The following PPARA variants were observed in gnomAD, a reference collection of about 807,000 sequenced individuals.
PPARA encodes the protein peroxisome proliferator-activated receptor alpha.
Under a neutral mutation model 42.2 loss-of-function variants are expected in PPARA, and 22 were observed. The observed-to-expected ratio is 0.52, with a 90% CI of 0.37 to 0.74. The LOEUF is 0.74. PPARA is among the 30% of genes least tolerant of loss of function. The pLI is 0.00. For missense variants in PPARA, 465 were observed against 608.2 expected (o/e 0.76, Z 2.48); for synonymous variants, 242 against 239.3 (o/e 1.01, Z -0.10).
chr22:46,178,039 A>G (rs1457013397), intron 3 of PPARA, among the ~76,000 whole-genome samples: 1 of 151,964 alleles, frequency 6.6e-6, no homozygotes, highest in Non-Finnish European at 1.5e-5. Context: ...AAGGAGGTCT[A>G]TCAGTCTAGA....
chr22:46,235,657 T>C lies in PPARA; in HGVS notation c.*277T>C, dbSNP rs1431057332. The C allele has an allele frequency of 8.5e-6, 4 of 468,612 alleles. No homozygotes were observed. The highest frequency in any genetic ancestry group is 5.9e-5 in the African/African-American group (3 of 50,946). The allele number at this position is 468,612 out of a possible 1,614,324, so 29.0% of individuals were successfully genotyped here. ...AATGGTCTGATTTTAACTCACCCGATGTTAATCAATGCACATTGCTTTAGA... is the reference window on the plus strand; with the variant it reads ...AATGGTCTGATTTTAACTCACCCGACGTTAATCAATGCACATTGCTTTAGA... On this transcript the variant is annotated 3_prime_UTR_variant, in exon 9 of 9. Coordinates refer to ENST00000407236, the MANE Select transcript of PPARA (RefSeq NM_005036.6). This position sits in a 1 kb window ranked among gnomAD's most constrained non-coding sequence, Gnocchi z 7.0.
rs568009104 is a variant in PPARA, at chr22:46,198,211, C to A, written c.-42-131C>A. 1.3e-5 allele frequency: 3 copies of A among 239,026 alleles called. No individual in the cohort carries two copies. The East Asian group carries it at 2.4e-4, about 19-fold the overall frequency. 14.8% of individuals were successfully genotyped at this position (239,026 alleles called of 1,614,324 possible). On this transcript the variant is annotated intron_variant, in intron 3 of 8. Coordinates refer to ENST00000407236, the MANE Select transcript of PPARA (RefSeq NM_005036.6). The stretch of plus-strand genomic sequence containing the variant: ...CGAGATTGTGCCCCTGCACTCCAGC[C>A]TGGGCAACAGACTGAGACTCTGTCT...
In PPARA at chr22:46,240,873, G is replaced by A. The variant is rs1381247771; in HGVS notation, c.*5493G>A. On this transcript the variant is annotated 3_prime_UTR_variant, in exon 9 of 9. Transcript: ENST00000407236. This position sits in a 1 kb window ranked among gnomAD's most constrained non-coding sequence, Gnocchi z 6.0. ...CTGTGTGCACCTCCCTAATGGCAGC[G>A]ATGATGGCTGCTGTCATTCAAGCCC... is the stretch of plus-strand genomic sequence containing the variant. The A allele has an allele frequency of 3.3e-5, 5 of 152,230 alleles. No individual in the cohort carries two copies. Among genetic ancestry groups the A allele is most frequent in the Admixed American group, 6.5e-5 (1 of 15,284 alleles). The allele number at this position is 152,230 out of a possible 1,614,324, so 9.4% of individuals were successfully genotyped here.
At chr22:46,179,317 G>A (rs924502929) in intron 3 of PPARA, among the ~76,000 whole-genome samples, 1 of 152,148 alleles carries the variant, frequency 6.6e-6, no homozygotes, top group Non-Finnish European at 1.5e-5. Context: ...AAAAATTAAT[G>A]TAACTCATCG....
chr22:46,159,227 C>T (rs1350456995), intron 2 of PPARA, among the ~76,000 whole-genome samples: 1 of 152,040 alleles, frequency 6.6e-6, no homozygotes, highest in Middle Eastern at 3.2e-3. Flanking sequence ...GAAATTAACA[C>T]AAATGATGTT....
Position 46,221,218 on chromosome 22 carries a change from T to G in PPARA, c.711+1204T>G, listed in dbSNP as rs1463452421. 2.6e-5 allele frequency among the ~76,000 whole-genome samples: 4 copies of G among 151,914 alleles called. No individual in the cohort carries two copies. Among genetic ancestry groups the G allele is most frequent in the Non-Finnish European group, 5.9e-5 (4 of 67,978 alleles). ...TCTTGTGAGAACGCTATCACTAGAG[T>G]AGCACCAAGAGGATGGTGCTAAACC... On this transcript the variant is annotated intron_variant, in intron 7 of 8. Transcript: ENST00000407236. This position sits in a 1 kb window ranked among gnomAD's most constrained non-coding sequence, Gnocchi z 5.9.
chr22:46,193,157 C>T lies in PPARA; in HGVS notation c.-42-5185C>T, dbSNP rs773518790. On this transcript the variant is annotated intron_variant, in intron 3 of 8. Transcript: ENST00000407236. The surrounding 1 kb of genome is among the most constrained non-coding windows in gnomAD (Gnocchi z 5.3). The stretch of plus-strand genomic sequence containing the variant: ...TCTCGGCTCACTGCAACCTCCACCT[C>T]CTGGGTTCAAGCGATCCTCCTGCCT... Among the ~76,000 whole-genome samples, 2 of 152,154 alleles carry T rather than the reference C, an allele frequency of 1.3e-5. No homozygotes were observed. The highest frequency in any genetic ancestry group is 2.9e-5 in the Non-Finnish European group (2 of 68,012).
Position 46,216,730 on chromosome 22 carries a change from C to A in PPARA, c.369+1397C>A, listed in dbSNP as rs773740347. The stretch of plus-strand genomic sequence containing the variant: ...CTCAGCCTGCCCTAAACAGATGTGA[C>A]CTGGGCCAGGAGTGCATGAAGGCAG... On this transcript the variant is annotated intron_variant, in intron 5 of 8. Transcript: ENST00000407236. This position sits in a 1 kb window ranked among gnomAD's most constrained non-coding sequence, Gnocchi z 4.5. Among the ~76,000 whole-genome samples, 5 of 152,182 alleles carry A rather than the reference C, an allele frequency of 3.3e-5. No homozygotes were observed. Among genetic ancestry groups the A allele is most frequent in the Non-Finnish European group, 7.3e-5 (5 of 68,032 alleles).
At position 46,224,814 on chromosome 22, in the gene PPARA, T is replaced by A. The variant is rs1043492909; in HGVS notation, c.711+4800T>A. 6.6e-6 allele frequency among the ~76,000 whole-genome samples: 1 copy of A among 152,016 alleles called. No homozygotes were observed. Among genetic ancestry groups the A allele is most frequent in the African/African-American group, 2.4e-5 (1 of 41,416 alleles). On this transcript the variant is annotated intron_variant, in intron 7 of 8. Transcript: ENST00000407236. This position sits in a 1 kb window ranked among gnomAD's most constrained non-coding sequence, Gnocchi z 5.7. ...TTGATGGGGAAGCACGGGGGATGGA[T>A]AGATTTTAATTTCAAAGCAGCCCTC...
At chr22:46,207,758 A>G (rs1933534304) in intron 4 of PPARA, among the ~76,000 whole-genome samples, 1 of 136,850 alleles carries the variant, frequency 7.3e-6, no homozygotes, top group African/African-American at 2.7e-5. Flanking sequence ...ATCGTAGCTC[A>G]CTGCAGTCTC....
Position 46,191,734 on chromosome 22 carries a change from TA to T in PPARA, c.-42-6606del, listed in dbSNP as rs1483535875. Among the ~76,000 whole-genome samples the T allele has an allele frequency of 6.6e-6, 1 of 152,018 alleles. No homozygotes were observed. The highest frequency in any genetic ancestry group is 2.4e-5 in the African/African-American group (1 of 41,378). ...GACCATCACTGGGTTACTCCTGGAG[TA>T]AGTAATTCCCAAGAGCTCCTTCTGT... is the stretch of plus-strand genomic sequence containing the variant. On this transcript the variant is annotated intron_variant, in intron 3 of 8. Coordinates refer to ENST00000407236, the MANE Select transcript of PPARA (RefSeq NM_005036.6). The surrounding 1 kb of genome is among the most constrained non-coding windows in gnomAD (Gnocchi z 4.6).
intron 4 of PPARA, among the ~76,000 whole-genome samples, chr22:46,209,015 G>A (rs185296380): frequency 1.2e-4 from 18 of 152,220 alleles, no homozygotes; most frequent in Non-Finnish European, 2.4e-4. Context: ...TAGTGCTGCA[G>A]TAAACATGGA....
rs1400709663 is a variant in PPARA, at chr22:46,203,626, G to C, written c.208+5035G>C. 6.6e-6 allele frequency among the ~76,000 whole-genome samples: 1 copy of C among 152,136 alleles called. No homozygotes were observed. Among genetic ancestry groups the C allele is most frequent in the Non-Finnish European group, 1.5e-5 (1 of 68,018 alleles). ...AAGGGTGAGGAGAGCAGTATTGGGC[G>C]AAAAGGAAAAAAGAAAAAAACTCTC... On this transcript the variant is annotated intron_variant, in intron 4 of 8. Coordinates refer to ENST00000407236, the MANE Select transcript of PPARA (RefSeq NM_005036.6). This position sits in a 1 kb window ranked among gnomAD's most constrained non-coding sequence, Gnocchi z 5.8.
At chr22:46,170,451 A>G (rs1210700466) in intron 2 of PPARA, among the ~76,000 whole-genome samples, 1 of 117,688 alleles carries the variant, frequency 8.5e-6, no homozygotes, top group Non-Finnish European at 1.7e-5. Context: ...GTTTTGTCAT[A>G]TCACCCAGGC....
chr22:46,152,362 C>T (rs1924575302), intron 2 of PPARA, among the ~76,000 whole-genome samples: 1 of 152,036 alleles, frequency 6.6e-6, no homozygotes. Context: ...TGATCTTGAA[C>T]TCCTGACCTC....
Position 46,212,521 on chromosome 22 carries a change from T to C in PPARA, c.209-2652T>C, listed in dbSNP as rs947867672. Among the ~76,000 whole-genome samples, 1 of 152,242 alleles carries C rather than the reference T, an allele frequency of 6.6e-6. No homozygotes were observed. The highest frequency in any genetic ancestry group is 2.4e-5 in the African/African-American group (1 of 41,464). ...GCCATGAATTTGAAATCATATAGTA[T>C]GTAGCCTTTTCAGACTGACTTCTTT... is the stretch of plus-strand genomic sequence containing the variant. On this transcript the variant is annotated intron_variant, in intron 4 of 8. Transcript: ENST00000407236. This position sits in a 1 kb window ranked among gnomAD's most constrained non-coding sequence, Gnocchi z 4.2.
chr22:46,199,856 A>G (rs540733643), intron 4 of PPARA, among the ~76,000 whole-genome samples: 105 of 151,828 alleles, frequency 6.9e-4, no homozygotes, highest in African/African-American at 2.1e-3. Flanking sequence ...CCTAGTAGCT[A>G]GGATTACAGG....
rs981000010 is a variant in PPARA at position 46,187,394 on chromosome 22, T to G, written c.-43+10558T>G. 5.3e-5 allele frequency among the ~76,000 whole-genome samples: 8 copies of G among 152,200 alleles called. No individual in the cohort carries two copies. Among genetic ancestry groups the G allele is most frequent in the Non-Finnish European group, 1.2e-4 (8 of 68,030 alleles). ...CAGTGACTTAAGCCAGAGCATACAT[T>G]CATCCTAGACTCTGTCCCAGGTCCC... is the stretch of plus-strand genomic sequence containing the variant. On this transcript the variant is annotated intron_variant, in intron 3 of 8. Transcript: ENST00000407236. The surrounding 1 kb of genome is among the most constrained non-coding windows in gnomAD (Gnocchi z 4.9).
In PPARA at chr22:46,234,647, C is replaced by A. The variant is rs11705483; in HGVS notation, c.1160-486C>A. On this transcript the variant is annotated intron_variant, in intron 8 of 8. Transcript: ENST00000407236. This position sits in a 1 kb window ranked among gnomAD's most constrained non-coding sequence, Gnocchi z 5.8. ...CCTCCCGAGTATCTGGGATTACAGG[C>A]GTGAGCCACCGTGCCTGGCCTACAA... 0.077 allele frequency among the ~76,000 whole-genome samples: 11,747 copies of A among 152,252 alleles called. 587 individuals carry two copies. The highest frequency in any genetic ancestry group is 0.11 in the Non-Finnish European group (7,586 of 68,008).
Sources: gnomAD v4.1 joint callset for allele counts (sites outside exome capture counted in the v4.1 genomes callset) on GRCh38, gnomAD v4.1.1 for gene constraint, Gnocchi (gnomAD v3.1) non-coding constraint, MANE v1.5 for transcripts, NCBI Gene and HGNC (gene_info 2026-07-23, HGNC 2026-07-21) for gene names.